The following NAALADL2 variants were observed in gnomAD, a reference collection of about 807,000 sequenced individuals.
NAALADL2 encodes the protein inactive N-acetylated-alpha-linked acidic dipeptidase-like protein 2.
Under a neutral mutation model 87.2 loss-of-function variants are expected in NAALADL2, and 76 were observed. The observed-to-expected ratio is 0.87, with a 90% CI of 0.72 to 1.05. The LOEUF (loss-of-function observed/expected upper bound fraction) is 1.05. Ranked by LOEUF, NAALADL2 falls within the 50% of genes least tolerant of loss-of-function variation. The pLI, the probability that NAALADL2 is intolerant of heterozygous loss-of-function variation, is 0.00. For missense variants in NAALADL2, 1,089 were observed against 945.8 expected (o/e 1.15, Z -1.99); for synonymous variants, 354 against 331.0 (o/e 1.07, Z -0.75).
At chr3:174,988,740 C>T (rs189163792) in intron 1 of NAALADL2, among the ~76,000 whole-genome samples, 5 of 152,236 alleles carry the variant, frequency 3.3e-5, no homozygotes, top group African/African-American at 1.2e-4. Context: ...CCAAATGTCC[C>T]CTCCTTATAA....
In NAALADL2 at chr3:174,635,529, G is replaced by A. The variant is rs1722549950; in HGVS notation, c.-115+84892G>A. 3.4e-5 allele frequency among the ~76,000 whole-genome samples: 5 copies of A among 147,080 alleles called. No individual in the cohort carries two copies. In the South Asian group the frequency reaches 1.1e-3, roughly 33 times the overall value. On this transcript the variant is annotated intron_variant, in intron 2 of 3. Coordinates refer to the NAALADL2 transcript ENST00000434257. ...TGGTTTTTTTTTTTTTTGAGATGGA[G>A]TCTTGCTCTGTCATCCAGGCTGGAG...
intron 3 of NAALADL2, among the ~76,000 whole-genome samples, chr3:174,778,602 A>G (rs1006558827): frequency 6.6e-6 from 1 of 151,930 alleles, no homozygotes; most frequent in Non-Finnish European, 1.5e-5. Flanking sequence ...TACATTGTGT[A>G]TGTCTCCTAA....
chr3:175,184,394 C>T (rs1411502447), intron 2 of NAALADL2, among the ~76,000 whole-genome samples: 1 of 151,562 alleles, frequency 6.6e-6, no homozygotes, highest in Admixed American at 6.6e-5. Context: ...TTCATTTTAC[C>T]TAATTGTTTA....
At chr3:175,427,738 G>A (rs1234150424) in intron 5 of NAALADL2, among the ~76,000 whole-genome samples, 1 of 151,916 alleles carries the variant, frequency 6.6e-6, no homozygotes, top group Non-Finnish European at 1.5e-5. Context: ...TTTTCCAATA[G>A]GCATATTTTT....
chr3:175,703,342 A>G (rs1269067101), intron 11 of NAALADL2, among the ~76,000 whole-genome samples: 1 of 152,178 alleles, frequency 6.6e-6, no homozygotes, highest in Non-Finnish European at 1.5e-5. Context: ...AGGTGCTATA[A>G]GTCTGACAAA....
chr3:174,917,326 C>T (rs1734550533), intron 1 of NAALADL2, among the ~76,000 whole-genome samples: 1 of 152,086 alleles, frequency 6.6e-6, no homozygotes, highest in Non-Finnish European at 1.5e-5. Flanking sequence ...ATTGTGATTA[C>T]TGTGCTTAAA....
intron 5 of NAALADL2, among the ~76,000 whole-genome samples, chr3:175,349,085 G>T (rs1009090533): frequency 6.6e-6 from 1 of 151,578 alleles, no homozygotes. Flanking sequence ...ACATGTTGTT[G>T]TACTATGGAT....
intron 2 of NAALADL2, among the ~76,000 whole-genome samples, chr3:174,652,926 A>C (rs984454358): frequency 1.3e-5 from 2 of 152,202 alleles, no homozygotes; most frequent in African/African-American, 4.8e-5. Context: ...GGTTTATGGA[A>C]TATCCAAAGA....
chr3:174,688,360 T>C (rs2108845329), intron 2 of NAALADL2, among the ~76,000 whole-genome samples: 1 of 151,990 alleles, frequency 6.6e-6, no homozygotes, highest in African/African-American at 2.4e-5. Context: ...TAGCTATTAT[T>C]ATTAGAATTA....
intron 1 of NAALADL2, among the ~76,000 whole-genome samples, chr3:174,986,699 G>C (rs1474982075): frequency 6.6e-6 from 1 of 152,122 alleles, no homozygotes; most frequent in African/African-American, 2.4e-5. Context: ...TCCTGAAACT[G>C]TGCTTCTCTT....
chr3:174,709,748 C>T (rs1222320119), intron 2 of NAALADL2, among the ~76,000 whole-genome samples: 2 of 152,078 alleles, frequency 1.3e-5, no homozygotes, highest in East Asian at 3.8e-4. Context: ...CACTAGCAAC[C>T]ATATTTACCT....
intron 9 of NAALADL2, among the ~76,000 whole-genome samples, chr3:175,509,972 G>T (rs950687666): frequency 6.6e-6 from 1 of 151,914 alleles, no homozygotes; most frequent in African/African-American, 2.4e-5. Flanking sequence ...TTTAGCATTC[G>T]GTATGTCTCC....
intron 4 of NAALADL2, among the ~76,000 whole-genome samples, chr3:175,300,295 T>A (rs1756891414): frequency 6.6e-6 from 1 of 152,214 alleles, no homozygotes; most frequent in Non-Finnish European, 1.5e-5. Flanking sequence ...AGGATGATGC[T>A]GGCCTCATAA....
chr3:174,766,309 A>C (rs1713795494), intron 3 of NAALADL2, among the ~76,000 whole-genome samples: 1 of 152,134 alleles, frequency 6.6e-6, no homozygotes, highest in African/African-American at 2.4e-5. Flanking sequence ...GACCATTTTG[A>C]AGTAGTCATT....
intron 3 of NAALADL2, among the ~76,000 whole-genome samples, chr3:175,255,936 G>A (rs1749859763): frequency 6.6e-6 from 1 of 152,158 alleles, no homozygotes; most frequent in African/African-American, 2.4e-5. Flanking sequence ...ATGTTGAATG[G>A]AGCATCATGA....
At chr3:174,664,854 C>A (rs1199449948) in intron 2 of NAALADL2, among the ~76,000 whole-genome samples, 2 of 152,182 alleles carry the variant, frequency 1.3e-5, no homozygotes, top group Non-Finnish European at 2.9e-5. Flanking sequence ...ATTTTTCAGG[C>A]TTCCTGAAGT....
At chr3:174,861,057 T>G (rs1054912527) in intron 1 of NAALADL2, among the ~76,000 whole-genome samples, 1 of 152,130 alleles carries the variant, frequency 6.6e-6, no homozygotes. Context: ...AAGCCTTTTG[T>G]AGTTGGGTAA....
intron 11 of NAALADL2, among the ~76,000 whole-genome samples, chr3:175,645,537 T>C (rs1317099927): frequency 6.6e-6 from 1 of 152,042 alleles, no homozygotes; most frequent in Non-Finnish European, 1.5e-5. Context: ...GCATTTTAAA[T>C]TTTGCTCTAA....
At chr3:174,933,098 C>A (rs964116803) in intron 1 of NAALADL2, among the ~76,000 whole-genome samples, 1 of 152,144 alleles carries the variant, frequency 6.6e-6, no homozygotes, top group African/African-American at 2.4e-5. Flanking sequence ...GCCTGGGCAA[C>A]AAGAGTGAAA....
Sources: gnomAD v4.1 joint callset for allele counts (sites outside exome capture counted in the v4.1 genomes callset) on GRCh38, gnomAD v4.1.1 for gene constraint, MANE v1.5 for transcripts, NCBI Gene and HGNC (gene_info 2026-07-23, HGNC 2026-07-21) for gene names.